PPP3CA: variants seen among roughly 807,000 people sequenced by gnomAD.
PPP3CA encodes protein phosphatase 3 catalytic subunit alpha, also known as CAM-PRP catalytic subunit.
Under a neutral mutation model 66.5 loss-of-function variants are expected in PPP3CA, and 14 were observed. That is an observed-to-expected ratio of 0.21 (90% CI 0.14 to 0.33). PPP3CA has a LOEUF of 0.33. Among genes scored for constraint, PPP3CA ranks in the 10% least tolerant of loss-of-function variants. PPP3CA has a pLI of 1.00. For missense variants in PPP3CA, 317 were observed against 639.5 expected (o/e 0.50, Z 5.44); for synonymous variants, 232 against 226.2 (o/e 1.03, Z -0.23).
chr4:101,092,499 C>T (rs1044851431), intron 6 of PPP3CA, among the ~76,000 whole-genome samples: 16 of 150,236 alleles, frequency 1.1e-4, no homozygotes, highest in African/African-American at 3.9e-4. Context: ...AGGTTTGTTA[C>T]ATAGGTATAC....
intron 2 of PPP3CA, among the ~76,000 whole-genome samples, chr4:101,180,291 G>A (rs1284628363): frequency 6.6e-6 from 1 of 152,004 alleles, no homozygotes; most frequent in Non-Finnish European, 1.5e-5. Context: ...ATCCAATTTG[G>A]CACCCATAAT....
intron 1 of PPP3CA, among the ~76,000 whole-genome samples, chr4:101,242,809 C>T (rs1271362689): frequency 6.6e-6 from 1 of 152,018 alleles, no homozygotes; most frequent in Non-Finnish European, 1.5e-5. Flanking sequence ...ATGCCTATAG[C>T]CCCAGCTACT....
chr4:101,241,218 G>A (rs942037751), intron 1 of PPP3CA, among the ~76,000 whole-genome samples: 1 of 152,022 alleles, frequency 6.6e-6, no homozygotes. Flanking sequence ...AGTGACCTAG[G>A]CTTTCATTCT....
intron 2 of PPP3CA, among the ~76,000 whole-genome samples, chr4:101,125,032 G>C (rs1005031705): frequency 2.6e-5 from 4 of 152,092 alleles, no homozygotes; most frequent in African/African-American, 9.7e-5. Flanking sequence ...AAAGAGTTTC[G>C]AGGTATCTTA....
chr4:101,346,536 C>G (rs892904894), intron 1 of PPP3CA, among the ~76,000 whole-genome samples: 4 of 151,912 alleles, frequency 2.6e-5, no homozygotes, highest in African/African-American at 4.8e-5. Flanking sequence ...CCAAGTGAGG[C>G]TGGGTGGGAC....
At chr4:101,229,106 C>T (rs1260177452) in intron 1 of PPP3CA, among the ~76,000 whole-genome samples, 1 of 151,564 alleles carries the variant, frequency 6.6e-6, no homozygotes. Flanking sequence ...TAAATTATAT[C>T]TCTTCAATAG....
At chr4:101,060,967 C>T in intron 10 of PPP3CA, 120 bp downstream of exon 10, 1 of 821,038 alleles carries the variant, frequency 1.2e-6, no homozygotes, top group Non-Finnish European at 2.0e-6. Flanking sequence ...ATCTTTTATT[C>T]TCAATAATGT....
intron 1 of PPP3CA, among the ~76,000 whole-genome samples, chr4:101,301,169 T>G (rs1191181848): frequency 1.3e-5 from 2 of 151,910 alleles, no homozygotes; most frequent in Non-Finnish European, 2.9e-5. Flanking sequence ...AAATGACTCA[T>G]TTATATAAAT....
At chr4:101,278,055 T>C (rs1186480939) in intron 1 of PPP3CA, among the ~76,000 whole-genome samples, 10 of 144,238 alleles carry the variant, frequency 6.9e-5, no homozygotes, top group African/African-American at 2.6e-4. Context: ...ATTTGCTTTA[T>C]ACGGAGAAAG....
intron 1 of PPP3CA, among the ~76,000 whole-genome samples, chr4:101,317,338 A>G (rs1026718057): frequency 6.6e-6 from 1 of 151,996 alleles, no homozygotes; most frequent in Admixed American, 6.6e-5. Context: ...ACAATTTCTA[A>G]TAATTCAATC....
rs557310036 is a variant in PPP3CA at position 101,028,975 on chromosome 4, G to GGAAA, written c.1369+187_1369+190dup. The stretch of plus-strand genomic sequence containing the variant: ...TACAAAAGTCAAACATAGCTTTAAG[G>GGAAA]GAAAGAAACAAACAAACAAACCATA... On this transcript the variant is annotated intron_variant, in intron 13 of 13. Transcript: ENST00000394854. Among the ~76,000 whole-genome samples the GGAAA allele has an allele frequency of 2.2e-3, 338 of 152,030 alleles. 2 individuals carry two copies. The highest frequency in any genetic ancestry group is 6.7e-3 in the South Asian group (32 of 4,812).
chr4:101,134,729 G>T (rs563155661), intron 2 of PPP3CA, among the ~76,000 whole-genome samples: 11 of 152,130 alleles, frequency 7.2e-5, no homozygotes, highest in Non-Finnish European at 1.5e-4. Context: ...TTATTACTGG[G>T]TATATACCCA....
chr4:101,197,035 C>T (rs1188785931), intron 1 of PPP3CA, among the ~76,000 whole-genome samples: 1 of 152,192 alleles, frequency 6.6e-6, no homozygotes, highest in Non-Finnish European at 1.5e-5. Context: ...CTCATTATTT[C>T]TCTGTTTCAC....
chr4:101,168,866 G>T (rs1453637768), intron 2 of PPP3CA, among the ~76,000 whole-genome samples: 2 of 152,104 alleles, frequency 1.3e-5, no homozygotes, highest in Non-Finnish European at 2.9e-5. Flanking sequence ...CCAGTCTTTT[G>T]TATCTGCTTA....
chr4:101,066,033 C>T (rs951043092), intron 8 of PPP3CA, among the ~76,000 whole-genome samples: 1 of 152,048 alleles, frequency 6.6e-6, no homozygotes, highest in Non-Finnish European at 1.5e-5. Context: ...CAAATCTTCA[C>T]AATATTCCTC....
At chr4:101,195,504 A>G (rs1343680621) in intron 2 of PPP3CA, among the ~76,000 whole-genome samples, 1 of 152,132 alleles carries the variant, frequency 6.6e-6, no homozygotes, top group Non-Finnish European at 1.5e-5. Flanking sequence ...TGATGATGAT[A>G]CTATCAGTCT....
At chr4:101,138,380 T>C (rs1030927036) in intron 2 of PPP3CA, among the ~76,000 whole-genome samples, 5 of 152,224 alleles carry the variant, frequency 3.3e-5, no homozygotes, top group Non-Finnish European at 7.3e-5. Context: ...TATTCATTGG[T>C]TTATTGTGTG....
chr4:101,187,380 C>T (rs933233750), intron 2 of PPP3CA, among the ~76,000 whole-genome samples: 1 of 152,070 alleles, frequency 6.6e-6, no homozygotes, highest in African/African-American at 2.4e-5. Flanking sequence ...ACTAAGCTAA[C>T]CAGCCACAAA....
At chr4:101,119,685 G>A (rs1721964965) in intron 2 of PPP3CA, among the ~76,000 whole-genome samples, 1 of 151,946 alleles carries the variant, frequency 6.6e-6, no homozygotes, top group Non-Finnish European at 1.5e-5. Context: ...AAAATCTTAA[G>A]GCAAGCAAGG....
Sources: gnomAD v4.1 joint callset for allele counts (sites outside exome capture counted in the v4.1 genomes callset) on GRCh38, gnomAD v4.1.1 for gene constraint, MANE v1.5 for transcripts, NCBI Gene and HGNC (gene_info 2026-07-23, HGNC 2026-07-21) for gene names.